Variants in MAD1L1 observed in about 807,000 individuals in gnomAD.
The protein encoded by MAD1L1 is mitotic spindle assembly checkpoint protein MAD1.
Under a neutral mutation model 96.9 loss-of-function variants are expected in MAD1L1, and 95 were observed. That is an observed-to-expected ratio of 0.98 (90% CI 0.83 to 1.16). MAD1L1 has a LOEUF of 1.16. Ranked by LOEUF, MAD1L1 falls within the 50% of genes most tolerant of loss-of-function variation. The pLI is 0.00. For synonymous variants in MAD1L1, 473 were observed against 396.6 expected, an observed-to-expected ratio of 1.19 and a Z score of -2.29; for missense variants, 1,007 against 954.4, an observed-to-expected ratio of 1.06 and a Z score of -0.73.
chr7:2,134,513 T>C (rs957386465), intron 11 of MAD1L1, among the ~76,000 whole-genome samples: 65 of 152,248 alleles, frequency 4.3e-4, no homozygotes, highest in African/African-American at 1.5e-3. Flanking sequence ...CGACAGCGAA[T>C]AGGAGTGGTG....
chr7:1,876,481 C>T (rs1785393421), intron 18 of MAD1L1, among the ~76,000 whole-genome samples: 1 of 151,886 alleles, frequency 6.6e-6, no homozygotes, highest in Admixed American at 6.6e-5. Context: ...ACCAGCCCTT[C>T]AGAGACACAT....
intron 16 of MAD1L1, among the ~76,000 whole-genome samples, chr7:1,953,434 G>A (rs1779588680): frequency 6.6e-6 from 1 of 152,192 alleles, no homozygotes; most frequent in Admixed American, 6.5e-5. Context: ...GGAGGGAGCC[G>A]CACTGGGGGG....
chr7:2,001,046 T>C (rs939939), intron 14 of MAD1L1, among the ~76,000 whole-genome samples: 149,217 of 152,326 alleles, frequency 0.98, 73,169 homozygotes, highest in Non-Finnish European at 1. Flanking sequence ...CAGGCTGTGC[T>C]GCCAGCCCCA....
intron 11 of MAD1L1, among the ~76,000 whole-genome samples, chr7:2,099,662 T>A (rs191343538): frequency 7.9e-5 from 12 of 152,206 alleles, no homozygotes; most frequent in African/African-American, 2.9e-4. Context: ...TCATTTCTCT[T>A]CTCTTCAAAA....
At chr7:2,010,903 G>T (rs1263546677) in intron 13 of MAD1L1, among the ~76,000 whole-genome samples, 8 of 152,216 alleles carry the variant, frequency 5.3e-5, no homozygotes. Flanking sequence ...GTGTGAGTGG[G>T]GGACAGAGGG....
chr7:2,218,977 T>C (rs1793440541), intron 6 of MAD1L1, among the ~76,000 whole-genome samples: 1 of 151,876 alleles, frequency 6.6e-6, no homozygotes, highest in Non-Finnish European at 1.5e-5. Context: ...GGAGGATCAC[T>C]TGAGCCCAGG....
At chr7:2,129,123 T>C (rs1462896154) in intron 11 of MAD1L1, among the ~76,000 whole-genome samples, 2 of 152,076 alleles carry the variant, frequency 1.3e-5, no homozygotes, top group East Asian at 3.9e-4. Flanking sequence ...CAGAGCCAGC[T>C]GGAAGGGGCA....
chr7:2,164,604 G>GA (rs1790333716), intron 10 of MAD1L1, among the ~76,000 whole-genome samples: 1 of 145,840 alleles, frequency 6.9e-6, no homozygotes, highest in African/African-American at 2.6e-5. Flanking sequence ...GGGGGGGGGG[G>GA]GGGTTGCGGG....
At chr7:2,071,959 A>G (rs565433354) in intron 11 of MAD1L1, among the ~76,000 whole-genome samples, 2 of 152,300 alleles carry the variant, frequency 1.3e-5, no homozygotes, top group South Asian at 4.1e-4. Context: ...CTGCGCATCC[A>G]TTCATCTGCA....
At chr7:1,843,972 G>C (rs1783434352) in intron 18 of MAD1L1, among the ~76,000 whole-genome samples, 1 of 152,168 alleles carries the variant, frequency 6.6e-6, no homozygotes, top group East Asian at 1.9e-4. Flanking sequence ...TTCTTCTGAG[G>C]GGCCTGAGCA....
intron 18 of MAD1L1, among the ~76,000 whole-genome samples, chr7:1,830,111 C>T (rs988245590): frequency 5.3e-5 from 8 of 152,214 alleles, no homozygotes; most frequent in Non-Finnish European, 1.2e-4. Context: ...GGGGCTTACA[C>T]AACAGGCCAG....
At chr7:2,002,165 G>A (rs542355990) in intron 13 of MAD1L1, 44 bp from the exon 14 acceptor site, 1 of 1,593,842 alleles carries the variant, frequency 6.3e-7, no homozygotes, top group African/African-American at 1.3e-5. Context: ...TGGTGGGCCA[G>A]GCCCCATTTC....
intron 14 of MAD1L1, among the ~76,000 whole-genome samples, chr7:1,983,118 A>G (rs960198918): frequency 1.3e-5 from 2 of 149,988 alleles, no homozygotes; most frequent in Admixed American, 1.3e-4. Context: ...GCACACACGC[A>G]CACACACCCA....
intron 18 of MAD1L1, among the ~76,000 whole-genome samples, chr7:1,888,059 C>T (rs1008624263): frequency 1.5e-5 from 2 of 135,260 alleles, no homozygotes; most frequent in African/African-American, 5.6e-5. Context: ...GAGCCTTCAT[C>T]CGTGTGGGTG....
chr7:2,206,211 T>C (rs986901004), intron 10 of MAD1L1, among the ~76,000 whole-genome samples: 7 of 152,248 alleles, frequency 4.6e-5, no homozygotes, highest in Non-Finnish European at 1.5e-5. Context: ...TACTAATTTG[T>C]AAGAGTTCCT....
At chr7:1,824,812 G>C (rs1274042998) in intron 18 of MAD1L1, among the ~76,000 whole-genome samples, 16 of 151,586 alleles carry the variant, frequency 1.1e-4, no homozygotes, top group Non-Finnish European at 1.0e-4. Flanking sequence ...AAGACTCTCC[G>C]GGCGTCTCAA....
intron 18 of MAD1L1, among the ~76,000 whole-genome samples, chr7:1,856,886 G>C (rs139207485): frequency 0.013 from 1,996 of 152,248 alleles, 39 homozygotes; most frequent in African/African-American, 0.045. Context: ...CCTGGACCTC[G>C]CTGCCTGTGT....
intron 11 of MAD1L1, among the ~76,000 whole-genome samples, chr7:2,096,907 T>A (rs1407973787): frequency 2.0e-5 from 3 of 152,044 alleles, no homozygotes; most frequent in African/African-American, 4.8e-5. Flanking sequence ...GGCCAGCAGG[T>A]CTGCCACTGT....
intron 18 of MAD1L1, among the ~76,000 whole-genome samples, chr7:1,886,969 G>A (rs1427379083): frequency 2.6e-5 from 4 of 152,278 alleles, no homozygotes; most frequent in African/African-American, 7.2e-5. Flanking sequence ...TGGTGAGAAG[G>A]CTTCAGGGCT....
Sources: gnomAD v4.1 joint callset for allele counts (sites outside exome capture counted in the v4.1 genomes callset) on GRCh38, gnomAD v4.1.1 for gene constraint, MANE v1.5 for transcripts, NCBI Gene and HGNC (gene_info 2026-07-23, HGNC 2026-07-21) for gene names.